PPP2R3B: variants seen among roughly 807,000 people sequenced by gnomAD.
PPP2R3B encodes the protein serine/threonine-protein phosphatase 2A regulatory subunit B'' subunit beta.
In PPP2R3B, 68 loss-of-function variants were observed where a neutral mutation model predicts 72.9. That is an observed-to-expected ratio of 0.93 (90% CI 0.77 to 1.14). The LOEUF is 1.14. Ranked by LOEUF, PPP2R3B falls within the 50% of genes most tolerant of loss-of-function variation. PPP2R3B has a pLI of 0.00. For missense variants in PPP2R3B, 1,018 were observed against 842.0 expected (o/e 1.21, Z -2.59); for synonymous variants, 466 against 375.8 (o/e 1.24, Z -2.78).
At chrX:340,636 C>A (rs1192894402) in intron 10 of PPP2R3B, 129 bp downstream of exon 10, 1 of 603,862 alleles carries the variant, frequency 1.7e-6, no homozygotes, top group Non-Finnish European at 2.8e-6. Flanking sequence ...TCCCGTCCGT[C>A]CCCTCTCCCT....
intron 12 of PPP2R3B, chrX:338,228 CG>C (rs1297510046): frequency 2.5e-6 from 1 of 397,838 alleles, no homozygotes; most frequent in African/African-American, 2.0e-5. Context: ...AAGGCCGAAG[CG>C]GAGGCTGGAA....
At position 338,816 on chromosome X, in the gene PPP2R3B, G is replaced by A. The variant is rs1182656823; in HGVS notation, c.1432C>T (p.Leu478Phe). 6.2e-7 allele frequency: 1 copy of A among 1,612,462 alleles called. No individual in the cohort carries two copies. The highest frequency in any genetic ancestry group is 1.7e-4 in the Middle Eastern group (1 of 6,040). ...FDTFFNIEKY[L>F]DHEQKEQISL... The stretch of plus-strand genomic sequence containing the variant: ...ATCTGCTCTTTCTGCTCGTGGTCGA[G>A]GTACTTCTCGATGTTGAAGAAGGTG... Residue 478 changes from leucine (L) to phenylalanine (F), a missense_variant, in exon 11 of 13, where the codon CTC becomes TTC. By Grantham distance (22) the Leu-to-Phe change is conservative (BLOSUM62 0). Coordinates refer to ENST00000390665, the MANE Select transcript of PPP2R3B (RefSeq NM_013239.5).
intron 7 of PPP2R3B, among the ~76,000 whole-genome samples, chrX:344,618 C>T (rs2071157019): frequency 6.6e-6 from 1 of 152,238 alleles, no homozygotes; most frequent in Non-Finnish European, 1.5e-5. Context: ...GGGCCGATTC[C>T]CAGCTGTGCA....
chrX:363,682 C>CG lies in PPP2R3B; in HGVS notation c.325-2093_325-2092insC, dbSNP rs1569404334. On this transcript the variant is annotated intron_variant, in intron 1 of 12. Coordinates refer to ENST00000390665, the MANE Select transcript of PPP2R3B (RefSeq NM_013239.5). ...CCCACCATCCCACAATGCATCTCCC[C>CG]AAGCCCGCGATCCCACAGTGCATCT... Among the ~76,000 whole-genome samples, 32 of 146,130 alleles carry CG rather than the reference C, an allele frequency of 2.2e-4. 1 individual carries two copies. Among genetic ancestry groups the CG allele is most frequent in the Non-Finnish European group, 2.8e-4 (19 of 66,760 alleles).
chrX:348,575 C>CAAAAAAAAAAAA (rs558039195), intron 2 of PPP2R3B, among the ~76,000 whole-genome samples: 1 of 118,662 alleles, frequency 8.4e-6, no homozygotes, highest in African/African-American at 3.2e-5. Context: ...GACTCTGTCT[C>CAAAAAAAAAAAA]AAAAAAAGAG....
At chrX:341,082 C>T (rs1261465956) in intron 9 of PPP2R3B, 142 bp from the exon 10 acceptor site, 2 of 1,250,226 alleles carry the variant, frequency 1.6e-6, no homozygotes, top group African/African-American at 3.1e-5. Flanking sequence ...CATCCCCTGC[C>T]CCCTGCCGCC....
In PPP2R3B at chrX:361,595, A is replaced by G. The variant is rs1377871062; in HGVS notation, c.325-5T>C. On this transcript the variant is annotated splice_polypyrimidine_tract_variant and splice_region_variant and intron_variant, in intron 1 of 12. Transcript: ENST00000390665. ...CTCTTCTTTCCGTGTCTGAACCTGAAGAGTCGACAGACAGCGCTCAGTTAG... is the reference window on the plus strand; with the variant it reads ...CTCTTCTTTCCGTGTCTGAACCTGAGGAGTCGACAGACAGCGCTCAGTTAG... 6.2e-7 allele frequency: 1 copy of G among 1,613,552 alleles called. No homozygotes were observed. The highest frequency in any genetic ancestry group is 8.5e-7 in the Non-Finnish European group (1 of 1,179,512).
At chrX:382,687 C>T (rs1434840540) in intron 1 of PPP2R3B, among the ~76,000 whole-genome samples, 3 of 152,132 alleles carry the variant, frequency 2.0e-5, no homozygotes, top group Non-Finnish European at 2.9e-5. Flanking sequence ...AATATATCAT[C>T]CTCTCACATG....
At chrX:356,956 A>ACAGCTAGCC (rs2071451119) in intron 2 of PPP2R3B, among the ~76,000 whole-genome samples, 1 of 101,906 alleles carries the variant, frequency 9.8e-6, no homozygotes, top group African/African-American at 4.8e-5. Context: ...CAGTATCCAC[A>ACAGCTAGCC]CCACAGGACT....
chrX:380,019 G>A (rs1461943673), intron 1 of PPP2R3B, among the ~76,000 whole-genome samples: 1 of 152,146 alleles, frequency 6.6e-6, no homozygotes, highest in Non-Finnish European at 1.5e-5. Flanking sequence ...AGAAAAGACT[G>A]TTCAATATAC....
At chrX:334,711 G>A (rs1161664565) in intron 12 of PPP2R3B, 194 bp from the exon 13 acceptor site, 3 of 634,954 alleles carry the variant, frequency 4.7e-6, no homozygotes, top group East Asian at 6.9e-5. Context: ...TCCCGGGGGA[G>A]GGGCCTGCGG....
Position 386,707 on chromosome X carries a change from C to T in PPP2R3B, c.-16G>A. The T allele has an allele frequency of 8.0e-7, 1 of 1,256,264 alleles. No homozygotes were observed. The highest frequency in any genetic ancestry group is 1.0e-6 in the Non-Finnish European group (1 of 1,004,748). 77.8% of individuals were successfully genotyped at this position (1,256,264 alleles called of 1,614,324 possible). On this transcript the variant is annotated 5_prime_UTR_variant, in exon 1 of 13. Transcript: ENST00000390665. ...CGGGCGGCATGGCGGGGGCTGGGCC[C>T]GCGGCGCCCCCGGACGCCCGCGCCC...
At chrX:352,236 C>CT (rs1569393729) in intron 2 of PPP2R3B, among the ~76,000 whole-genome samples, 1 of 152,268 alleles carries the variant, frequency 6.6e-6, no homozygotes, top group African/African-American at 2.4e-5. Flanking sequence ...CCTGATCTGA[C>CT]TTTTAAAAGT....
At chrX:346,394 A>C in intron 5 of PPP2R3B, 134 bp from the exon 6 acceptor site, 2 of 871,628 alleles carry the variant, frequency 2.3e-6, no homozygotes, top group Non-Finnish European at 3.5e-6. Flanking sequence ...AGGCGGGGGC[A>C]GAGGGAAGGG....
intron 8 of PPP2R3B, 190 bp downstream of exon 8, chrX:341,693 G>C (rs2071081227): frequency 1.4e-6 from 1 of 718,374 alleles, no homozygotes; most frequent in South Asian, 1.7e-5. Flanking sequence ...CAGACTTCGC[G>C]TGACAGTCTT....
intron 7 of PPP2R3B, 123 bp downstream of exon 7, chrX:345,393 G>C: frequency 7.5e-7 from 1 of 1,334,214 alleles, no homozygotes; most frequent in Non-Finnish European, 1.0e-6. Context: ...GAGTGCGAAG[G>C]AGAGGCAGCT....
At chrX:334,617 G>A (rs1242583197) in intron 12 of PPP2R3B, 100 bp from the exon 13 acceptor site, 44 of 1,302,624 alleles carry the variant, frequency 3.4e-5, no homozygotes, top group Middle Eastern at 5.6e-4. Context: ...CCTCCAGCAC[G>A]AGACAGTCCC....
chrX:334,059 C>T lies in PPP2R3B; in HGVS notation c.*308G>A, dbSNP rs770671539. 8 of 299,030 alleles carry T rather than the reference C, an allele frequency of 2.7e-5. No individual in the cohort carries two copies. Among genetic ancestry groups the T allele is most frequent in the Admixed American group, 5.2e-5 (1 of 19,262 alleles). The allele number at this position is 299,030 out of a possible 1,614,324, so 18.5% of individuals were successfully genotyped here. On this transcript the variant is annotated 3_prime_UTR_variant, in exon 13 of 13. Transcript: ENST00000390665. ...CCGGGAGCCGCCGGTCACCGTTGTGCGCACACGGACCCTTTCCACAGACGC... is the reference window on the plus strand; with the variant it reads ...CCGGGAGCCGCCGGTCACCGTTGTGTGCACACGGACCCTTTCCACAGACGC...
chrX:371,271 C>T (rs998414518), intron 1 of PPP2R3B, among the ~76,000 whole-genome samples: 103 of 152,226 alleles, frequency 6.8e-4, no homozygotes, highest in Non-Finnish European at 1.1e-3. Flanking sequence ...GGAGCCTCCC[C>T]GGACCCACGG....
Sources: gnomAD v4.1 joint callset for allele counts (sites outside exome capture counted in the v4.1 genomes callset) on GRCh38, gnomAD v4.1.1 for gene constraint, MANE v1.5 for transcripts, NCBI Gene and HGNC (gene_info 2026-07-23, HGNC 2026-07-21) for gene names.